MBNL1: variants seen among roughly 807,000 people sequenced by gnomAD.
The protein encoded by MBNL1 is muscleblind-like protein 1.
MBNL1 carries 8 observed loss-of-function variants against 42.2 expected under a neutral mutation model. The ratio of observed to expected loss-of-function variants is 0.19; its 90% confidence interval spans 0.11 to 0.34. MBNL1 has a LOEUF of 0.34. Among genes scored for constraint, MBNL1 ranks in the 10% least tolerant of loss-of-function variants. MBNL1 has a pLI of 1.00. For synonymous variants in MBNL1, 169 were observed against 173.9 expected (o/e 0.97, Z 0.22); for missense variants, 309 against 495.3 (o/e 0.62, Z 3.57).
At chr3:152,404,521 TA>T (rs1210417028) in intron 2 of MBNL1, among the ~76,000 whole-genome samples, 1 of 152,076 alleles carries the variant, frequency 6.6e-6, no homozygotes, top group Non-Finnish European at 1.5e-5. Flanking sequence ...ATATAAATAC[TA>T]AGTAATGATG....
At chr3:152,377,951 G>A (rs929654941) in intron 2 of MBNL1, among the ~76,000 whole-genome samples, 1 of 152,162 alleles carries the variant, frequency 6.6e-6, no homozygotes, top group African/African-American at 2.4e-5. Context: ...TGAAGGAAAC[G>A]ATATTATTTG....
At chr3:152,314,612 C>T (rs991889468) in intron 2 of MBNL1, among the ~76,000 whole-genome samples, 23 of 152,112 alleles carry the variant, frequency 1.5e-4, no homozygotes, top group Admixed American at 2.0e-4. Flanking sequence ...CAACCTCAGG[C>T]GATCCGCCTG....
At chr3:152,379,996 ATAAAT>A (rs1188807368) in intron 2 of MBNL1, among the ~76,000 whole-genome samples, 1 of 152,144 alleles carries the variant, frequency 6.6e-6, no homozygotes, top group Non-Finnish European at 1.5e-5. Context: ...CCTAGCCCAG[ATAAAT>A]TAATATTAAT....
chr3:152,351,993 C>T (rs2095056333), intron 2 of MBNL1, among the ~76,000 whole-genome samples: 1 of 152,094 alleles, frequency 6.6e-6, no homozygotes, highest in Non-Finnish European at 1.5e-5. Context: ...GATCGATAAT[C>T]TATTTTTCAA....
At chr3:152,454,912 C>CTT (rs996363071) in intron 6 of MBNL1, among the ~76,000 whole-genome samples, 1 of 152,130 alleles carries the variant, frequency 6.6e-6, no homozygotes. Flanking sequence ...ACAAATTTCA[C>CTT]TTTTTTATGT....
At chr3:152,320,315 A>T (rs1244688323) in intron 2 of MBNL1, among the ~76,000 whole-genome samples, 1 of 152,124 alleles carries the variant, frequency 6.6e-6, no homozygotes, top group Non-Finnish European at 1.5e-5. Flanking sequence ...TTGTGATAGG[A>T]CTCATCCAGT....
intron 4 of MBNL1, among the ~76,000 whole-genome samples, chr3:152,443,246 C>T (rs1332770036): frequency 6.9e-6 from 1 of 145,616 alleles, no homozygotes; most frequent in East Asian, 2.2e-4. Context: ...TTCAAGTCTT[C>T]TTTCTTGTTA....
At chr3:152,275,645 T>G (rs1173851066) in intron 1 of MBNL1, among the ~76,000 whole-genome samples, 4 of 145,088 alleles carry the variant, frequency 2.8e-5, no homozygotes, top group African/African-American at 7.7e-5. Flanking sequence ...GAGGCGGAGG[T>G]TGCAGTGAGC....
chr3:152,321,623 C>T (rs755962663), intron 2 of MBNL1, among the ~76,000 whole-genome samples: 21 of 151,822 alleles, frequency 1.4e-4, no homozygotes, highest in Non-Finnish European at 2.1e-4. Flanking sequence ...TCATTTTATT[C>T]GTTAGTAATT....
chr3:152,429,611 A>G (rs534127892), intron 3 of MBNL1, among the ~76,000 whole-genome samples: 44 of 152,304 alleles, frequency 2.9e-4, no homozygotes, highest in African/African-American at 9.6e-4. Flanking sequence ...AGCTTTTGGA[A>G]TAGAAAACTG....
rs566120507 is a variant in MBNL1, at chr3:152,437,828, C to T, written c.549+4908C>T. ...TCACACTGTTGCCCAGGCTGGAGTG[C>T]GGTGGCGCGATCTCAGCTCACTGCA... On this transcript the variant is annotated intron_variant, in intron 4 of 9. Coordinates refer to ENST00000324210, the MANE Select transcript of MBNL1 (RefSeq NM_021038.5). 2.1e-4 allele frequency among the ~76,000 whole-genome samples: 32 copies of T among 149,580 alleles called. 1 individual carries two copies. The highest frequency in any genetic ancestry group is 1.7e-3 in the Admixed American group (26 of 14,966).
intron 2 of MBNL1, among the ~76,000 whole-genome samples, chr3:152,385,811 A>G (rs13093929): frequency 0.22 from 33,711 of 151,950 alleles, 3,960 homozygotes; most frequent in South Asian, 0.29. Context: ...GAAGACTAAT[A>G]GCACTATGTC....
chr3:152,423,690 T>C (rs2098843563), intron 3 of MBNL1, among the ~76,000 whole-genome samples: 1 of 152,172 alleles, frequency 6.6e-6, no homozygotes, highest in African/African-American at 2.4e-5. Context: ...CTTAATAAAA[T>C]ACTGGCAAAC....
At chr3:152,355,680 G>A (rs2095464832) in intron 2 of MBNL1, among the ~76,000 whole-genome samples, 1 of 152,052 alleles carries the variant, frequency 6.6e-6, no homozygotes, top group Admixed American at 6.5e-5. Context: ...GACACAGCTA[G>A]GCTAAATCAA....
At chr3:152,399,054 A>T (rs1158958806) in intron 2 of MBNL1, among the ~76,000 whole-genome samples, 3 of 152,110 alleles carry the variant, frequency 2.0e-5, no homozygotes, top group Non-Finnish European at 4.4e-5. Flanking sequence ...TTTGCCCTAT[A>T]ACCTTATATT....
Position 152,300,160 on chromosome 3 carries a change from C to T in MBNL1, c.-34C>T, listed in dbSNP as rs1364799542. 9.0e-6 allele frequency: 13 copies of T among 1,442,094 alleles called. No individual in the cohort carries two copies. The highest frequency in any genetic ancestry group is 5.0e-5 in the East Asian group (2 of 39,656). The allele number at this position is 1,442,094 out of a possible 1,614,324, so 89.3% of individuals were successfully genotyped here. A position where few individuals can be genotyped will look rare whatever the true frequency, so the allele number is the denominator to read the frequency against. On this transcript the variant is annotated 5_prime_UTR_variant, in exon 2 of 10. Transcript: ENST00000324210. ...TTGGGGGGGTTGGGTTTGTTGGTTT[C>T]ACTGAAACATTTAACTACCTGTAAA...
At chr3:152,335,769 G>A (rs1175866912) in intron 2 of MBNL1, among the ~76,000 whole-genome samples, 1 of 152,024 alleles carries the variant, frequency 6.6e-6, no homozygotes, top group Non-Finnish European at 1.5e-5. Flanking sequence ...TAGAGATGTA[G>A]GTCAAATTTT....
At chr3:152,461,744 C>A (rs572903447) in intron 9 of MBNL1, among the ~76,000 whole-genome samples, 6 of 152,110 alleles carry the variant, frequency 3.9e-5, no homozygotes, top group Non-Finnish European at 8.8e-5. Context: ...GAACAAATTT[C>A]ATGTAAAAAC....
chr3:152,401,318 AAAG>A (rs1292130757), intron 2 of MBNL1, among the ~76,000 whole-genome samples: 3 of 152,208 alleles, frequency 2.0e-5, no homozygotes, highest in Admixed American at 1.3e-4. Context: ...CTTGGCAAGA[AAAG>A]AAGGGAGGGA....
Sources: allele counts gnomAD v4.1 joint callset (sites outside exome capture counted in the v4.1 genomes callset), GRCh38; gene constraint gnomAD v4.1.1; transcripts MANE v1.5; gene names NCBI Gene and HGNC (gene_info 2026-07-23, HGNC 2026-07-21).